The following LYPD5 variants were observed in gnomAD, a reference collection of about 807,000 sequenced individuals.
LYPD5 encodes the protein LY6/PLAUR domain containing 5.
A neutral mutation model predicts 19.1 loss-of-function variants in LYPD5; 21 were observed. The ratio of observed to expected loss-of-function variants is 1.10; its 90% confidence interval spans 0.78 to 1.58. The LOEUF (loss-of-function observed/expected upper bound fraction) is 1.58. LYPD5 is among the 40% of genes most tolerant of loss of function. LYPD5 has a pLI of 0.00. For synonymous variants in LYPD5, 128 were observed against 142.7 expected (o/e 0.90, Z 0.74); for missense variants, 287 against 329.8 (o/e 0.87, Z 1.00).
Position 43,799,723 on chromosome 19 carries a change from A to T in LYPD5, c.176T>A (p.Ile59Asn), listed in dbSNP as rs1970197240. ...ISCPHECFEA[I>N]LSLDTGYRAP... ...CTCCTTACCGGTGTCCAGAGACAGG[A>T]TAGCCTCAAAGCACTCATGAGGACA... Residue 59 changes from isoleucine to asparagine, a missense_variant, in exon 2 of 5, where the codon ATC becomes AAC. Physicochemically the swap from Ile to Asn is moderately radical, Grantham distance 149. Transcript: ENST00000377950. 1.2e-6 allele frequency: 2 copies of T among 1,613,772 alleles called. No homozygotes were observed. The highest frequency in any genetic ancestry group is 1.7e-6 in the Non-Finnish European group (2 of 1,179,878).
intron 1 of LYPD5, among the ~76,000 whole-genome samples, chr19:43,811,944 C>T (rs971232445): frequency 4.6e-5 from 7 of 152,130 alleles, no homozygotes; most frequent in African/African-American, 1.7e-4. Flanking sequence ...TCTCCAAATC[C>T]TGTGTGTCTC....
At chr19:43,801,052 A>C (rs536085782) in intron 1 of LYPD5, among the ~76,000 whole-genome samples, 3 of 146,962 alleles carry the variant, frequency 2.0e-5, no homozygotes, top group Non-Finnish European at 4.5e-5. Flanking sequence ...AAAAAAAAAA[A>C]CACATCAAAA....
upstream of LYPD5, among the ~76,000 whole-genome samples, chr19:43,804,802 C>T (rs1970256902): frequency 6.6e-6 from 1 of 152,076 alleles, no homozygotes; most frequent in African/African-American, 2.4e-5. Context: ...TGGAGTCTGG[C>T]CAGGAAGGAG....
chr19:43,807,903 A>G (rs971261983), intron 1 of LYPD5, among the ~76,000 whole-genome samples: 1 of 152,210 alleles, frequency 6.6e-6, no homozygotes, highest in African/African-American at 2.4e-5. Context: ...TCTTGGTGGC[A>G]AATCACAGCA....
rs1175952866 is a variant in LYPD5, at chr19:43,816,986, A to AGT, written c.-66+3552_-66+3553dup. Among the ~76,000 whole-genome samples the AGT allele has an allele frequency of 4.6e-5, 7 of 152,162 alleles. 1 individual carries two copies. In the South Asian group the frequency reaches 1.0e-3, roughly 23 times the overall value. ...GCCTCCCCAGGCATGTGTAACTATGAGTCCATTAAACCTGTTTTTCTTTAT... is the reference window on the plus strand; with the variant it reads ...GCCTCCCCAGGCATGTGTAACTATGAGTGTCCATTAAACCTGTTTTTCTTTAT... On this transcript the variant is annotated intron_variant, in intron 1 of 4. Coordinates refer to the LYPD5 transcript ENST00000414615.
rs1970125988 is a variant in LYPD5 at position 43,796,140 on chromosome 19, GA to G, written c.*1450del. Reference sequence around the variant, plus strand: ...CTATTCATGGGGGCTCCACCCTCATGATCTCACCACCTCCCAAAGGCCCCAC... The same window carrying G: ...CTATTCATGGGGGCTCCACCCTCATGTCTCACCACCTCCCAAAGGCCCCAC... On this transcript the variant is annotated 3_prime_UTR_variant, in exon 5 of 5. Coordinates refer to ENST00000377950, the MANE Select transcript of LYPD5 (RefSeq NM_001031749.3). 1 of 152,162 alleles carries G rather than the reference GA, an allele frequency of 6.6e-6. No individual in the cohort carries two copies. The highest frequency in any genetic ancestry group is 2.1e-4 in the South Asian group (1 of 4,824). 9.4% of individuals were successfully genotyped at this position (152,162 alleles called of 1,614,324 possible). A position where few individuals can be genotyped will look rare whatever the true frequency, so the allele number is the denominator to read the frequency against.
In LYPD5 at chr19:43,798,596, C is replaced by G. The variant is rs747282478; in HGVS notation, c.376G>C (p.Asp126His). Residue 126 changes from aspartate to histidine, a missense_variant, in exon 4 of 5, where the codon GAC becomes CAC. By Grantham distance (81) the Asp-to-His change is moderately conservative (BLOSUM62 -1). Transcript: ENST00000377950. ...TCGGCGCCGCTGAGCGTCGGCGGGT[C>G]GGGTGCTGGCAAGAGAGCGTAGATG... ...DALPNLSQAP[D>H]PPTLSGAECY... 3 of 1,610,144 alleles carry G rather than the reference C, an allele frequency of 1.9e-6. No homozygotes were observed. In the South Asian group the frequency reaches 3.3e-5, roughly 18 times the overall value.
chr19:43,814,142 T>C lies in LYPD5; in HGVS notation c.-66+6398A>G, dbSNP rs540993406. 3.3e-5 allele frequency among the ~76,000 whole-genome samples: 5 copies of C among 152,316 alleles called. No individual in the cohort carries two copies. In the South Asian group the frequency reaches 8.3e-4, roughly 25 times the overall value. On this transcript the variant is annotated intron_variant, in intron 1 of 4. Coordinates refer to the LYPD5 transcript ENST00000414615. The stretch of plus-strand genomic sequence containing the variant: ...AAGATCCTGACCAAACAGAAAGCCA[T>C]GGGCCATTTCCCAGGAGCCCATGTA...
chr19:43,805,455 C>CAGA (rs1970263029), upstream of LYPD5, among the ~76,000 whole-genome samples: 1 of 152,128 alleles, frequency 6.6e-6, no homozygotes, highest in African/African-American at 2.4e-5. Context: ...TAGTCATGAC[C>CAGA]TTGTCAAAAA....
At chr19:43,810,591 C>T (rs1158769180) in intron 1 of LYPD5, among the ~76,000 whole-genome samples, 2 of 128,840 alleles carry the variant, frequency 1.6e-5, no homozygotes, top group African/African-American at 5.7e-5. Context: ...TTCCCCTCCT[C>T]TCCCCTTTCT....
chr19:43,806,237 T>C (rs552265405), upstream of LYPD5, among the ~76,000 whole-genome samples: 1 of 152,314 alleles, frequency 6.6e-6, no homozygotes, highest in South Asian at 2.1e-4. Flanking sequence ...TAGATTCTCA[T>C]AGCAGCGTGA....
At chr19:43,798,358 C>T (rs1319907881) in intron 4 of LYPD5, 97 bp downstream of exon 4, 4 of 1,436,424 alleles carry the variant, frequency 2.8e-6, no homozygotes, top group Non-Finnish European at 3.8e-6. Context: ...AGAGCAGGGC[C>T]ATGTCTCCCT....
At position 43,799,707 on chromosome 19, in the gene LYPD5, G is replaced by A. The variant is rs962388847; in HGVS notation, c.192C>T (p.Thr64=). The A allele has an allele frequency of 1.6e-5, 25 of 1,612,558 alleles. No homozygotes were observed. Among genetic ancestry groups the A allele is most frequent in the East Asian group, 2.2e-5 (1 of 44,832 alleles). Residue 64 remains threonine (T), a splice_region_variant and synonymous_variant, in exon 2 of 5, where the codon ACC becomes ACT. Coordinates refer to ENST00000377950, the MANE Select transcript of LYPD5 (RefSeq NM_001031749.3). Reference sequence around the variant, plus strand: ...TGTCCCCCGGCTCCCGCTCCTTACCGGTGTCCAGAGACAGGATAGCCTCAA... The same window carrying A: ...TGTCCCCCGGCTCCCGCTCCTTACCAGTGTCCAGAGACAGGATAGCCTCAA... ...ECFEAILSLD[T]GYRAPVTLVR...
chr19:43,807,849 C>A (rs1306242804), intron 1 of LYPD5, among the ~76,000 whole-genome samples: 1 of 152,214 alleles, frequency 6.6e-6, no homozygotes, highest in Non-Finnish European at 1.5e-5. Context: ...GCCCAAGGGG[C>A]TGACATCAGA....
At chr19:43,805,266 G>C (rs1344753168), upstream of LYPD5, among the ~76,000 whole-genome samples, 2 of 152,128 alleles carry the variant, frequency 1.3e-5, no homozygotes, top group Non-Finnish European at 2.9e-5. Flanking sequence ...AAATAGTTGA[G>C]AAGTATTTAG....
At chr19:43,800,486 G>A (rs1462895577) in intron 1 of LYPD5, among the ~76,000 whole-genome samples, 3 of 152,120 alleles carry the variant, frequency 2.0e-5, no homozygotes, top group Admixed American at 6.5e-5. Flanking sequence ...GACACAAAGC[G>A]TATGTCTGTG....
upstream of LYPD5, among the ~76,000 whole-genome samples, chr19:43,805,603 G>T (rs1236047352): frequency 2.0e-5 from 3 of 152,170 alleles, no homozygotes; most frequent in Non-Finnish European, 4.4e-5. Flanking sequence ...CGCCTCCCAG[G>T]TTCAAGTGAT....
chr19:43,805,637 A>T (rs1417224110), upstream of LYPD5, among the ~76,000 whole-genome samples: 1 of 152,088 alleles, frequency 6.6e-6, no homozygotes, highest in Non-Finnish European at 1.5e-5. Context: ...CCTCCCAAGT[A>T]GCTGGGATCA....
At chr19:43,819,947 C>T (rs1970405414) in intron 1 of LYPD5, among the ~76,000 whole-genome samples, 2 of 150,738 alleles carry the variant, frequency 1.3e-5, no homozygotes, top group South Asian at 4.2e-4. Context: ...AAATTAGCAA[C>T]TTCTGGGTCC....
Sources: allele counts gnomAD v4.1 joint callset (sites outside exome capture counted in the v4.1 genomes callset), GRCh38; gene constraint gnomAD v4.1.1; transcripts MANE v1.5; gene names NCBI Gene and HGNC (gene_info 2026-07-23, HGNC 2026-07-21).